Variants in DMD observed in about 807,000 individuals in gnomAD.
DMD encodes dystrophin.
In DMD, 63 loss-of-function variants were observed where a neutral mutation model predicts 330.1. The observed-to-expected ratio is 0.19, with a 90% CI of 0.16 to 0.24. DMD has a LOEUF of 0.24. DMD is among the 10% of genes least tolerant of loss of function. The pLI, the probability that DMD is intolerant of heterozygous loss-of-function variation, is 1.00. For synonymous variants in DMD, 1,223 were observed against 959.8 expected (o/e 1.27, Z -5.07); for missense variants, 3,344 against 2,684.1 (o/e 1.25, Z -5.43).
chrX:32,553,920 C>A (rs886739401), intron 16 of DMD, among the ~76,000 whole-genome samples: 3 of 111,655 alleles, frequency 2.7e-5, no homozygotes, highest in Non-Finnish European at 3.8e-5. Context: ...CGTGGCCAGT[C>A]TGCTTCTTTA....
At chrX:31,476,165 T>C (rs1297876786) in intron 59 of DMD, among the ~76,000 whole-genome samples, 2 of 106,362 alleles carry the variant, frequency 1.9e-5, no homozygotes, top group African/African-American at 6.8e-5. Flanking sequence ...TTGGTGGGAG[T>C]TGGGGGTTGT....
chrX:32,419,456 G>A, intron 29 of DMD, among the ~76,000 whole-genome samples: 1 of 112,232 alleles, frequency 8.9e-6, no homozygotes, highest in South Asian at 3.7e-4. Flanking sequence ...GAGGGGCTTT[G>A]GTACAGTGGT....
intron 13 of DMD, among the ~76,000 whole-genome samples, chrX:32,585,758 T>C (rs762703856): frequency 2.3e-4 from 24 of 105,341 alleles, no homozygotes; most frequent in African/African-American, 8.1e-4. Context: ...CATACTTGCT[T>C]ATATTTCCCC....
At chrX:32,640,943 C>G (rs1298416055) in intron 11 of DMD, among the ~76,000 whole-genome samples, 1 of 111,390 alleles carries the variant, frequency 9.0e-6, no homozygotes, top group Non-Finnish European at 1.9e-5. Flanking sequence ...CATCTCAGAC[C>G]TCAGCCATCT....
chrX:32,780,687 A>T (rs533972885), intron 7 of DMD, among the ~76,000 whole-genome samples: 44 of 111,532 alleles, frequency 3.9e-4, no homozygotes, highest in African/African-American at 1.4e-3. Flanking sequence ...TTAATCAGTT[A>T]ATTTAATCTA....
intron 74 of DMD, among the ~76,000 whole-genome samples, chrX:31,160,045 C>T (rs755308349): frequency 6.3e-4 from 71 of 112,276 alleles, no homozygotes; most frequent in Middle Eastern, 4.6e-3. Flanking sequence ...CTGGCCTTTG[C>T]ATCTAACTAC....
intron 21 of DMD, among the ~76,000 whole-genome samples, 166 bp from the exon 22 acceptor site, chrX:32,472,475 A>G (rs371111192): frequency 2.7e-4 from 30 of 112,263 alleles, no homozygotes; most frequent in African/African-American, 9.7e-4. Flanking sequence ...CATTCCTGCT[A>G]CATGTGTAAT....
At chrX:32,327,089 C>T (rs2097654539) in intron 41 of DMD, among the ~76,000 whole-genome samples, 1 of 108,277 alleles carries the variant, frequency 9.2e-6, no homozygotes, top group South Asian at 4.1e-4. Flanking sequence ...ACTATGAGTC[C>T]ATATATATAG....
At chrX:33,189,074 A>C (rs2050399277) in intron 1 of DMD, among the ~76,000 whole-genome samples, 1 of 111,499 alleles carries the variant, frequency 9.0e-6, no homozygotes, top group Non-Finnish European at 1.9e-5. Context: ...ATTCATTTGT[A>C]ATGTTTTATA....
chrX:31,217,810 C>A (rs890812854), intron 64 of DMD, among the ~76,000 whole-genome samples: 2 of 111,991 alleles, frequency 1.8e-5, no homozygotes, highest in African/African-American at 6.5e-5. Context: ...ATATATGGCA[C>A]CCTCCTAGCA....
At chrX:33,177,070 C>G (rs2049707944) in intron 1 of DMD, among the ~76,000 whole-genome samples, 1 of 112,361 alleles carries the variant, frequency 8.9e-6, no homozygotes, top group Non-Finnish European at 1.9e-5. Context: ...ACAGGGAGCT[C>G]TGGAGGGCAA....
chrX:33,048,278 T>C (rs2094408926), intron 1 of DMD, among the ~76,000 whole-genome samples: 1 of 111,908 alleles, frequency 8.9e-6, no homozygotes, highest in Non-Finnish European at 1.9e-5. Flanking sequence ...GCTGGTTAGC[T>C]GTGCTGGCAG....
At chrX:32,463,169 GACTA>G (rs1326006769) in intron 25 of DMD, among the ~76,000 whole-genome samples, 3 of 111,372 alleles carry the variant, frequency 2.7e-5, no homozygotes, top group African/African-American at 9.8e-5. Flanking sequence ...TGGAAATAAT[GACTA>G]AGAATAGGAT....
intron 48 of DMD, among the ~76,000 whole-genome samples, chrX:31,844,299 A>ATTT (rs35743535): frequency 6.2e-5 from 6 of 97,116 alleles, no homozygotes; most frequent in Admixed American, 1.2e-4. Context: ...TCCTTTCCCC[A>ATTT]TTTTTTTTTT....
rs763268273 is a variant in DMD at position 31,380,256 on chromosome X, C to CT, written c.9085-31623dup. Among the ~76,000 whole-genome samples, 655 of 110,845 alleles carry CT rather than the reference C, an allele frequency of 5.9e-3. 3 individuals carry two copies. Among genetic ancestry groups the CT allele is most frequent in the African/African-American group, 0.019 (575 of 30,455 alleles). On this transcript the variant is annotated intron_variant, in intron 60 of 78. Transcript: ENST00000357033. Reference sequence around the variant, plus strand: ...TAGTTATCCCCACCTGCCCAGTTCCCTATTAGGCCGAGACACTTTAACTAA... The same window carrying CT: ...TAGTTATCCCCACCTGCCCAGTTCCCTTATTAGGCCGAGACACTTTAACTAA...
chrX:32,453,939 T>C lies in DMD; in HGVS notation c.3603+723A>G, dbSNP rs766656671. On this transcript the variant is annotated intron_variant, in intron 26 of 78. Transcript: ENST00000357033. ...TACTAATTGAGCACCAACTCTGAGT[T>C]AGGCAATTTACTCACATGGTAGTTA... Among the ~76,000 whole-genome samples, 4 of 111,290 alleles carry C rather than the reference T, an allele frequency of 3.6e-5. No homozygotes were observed. The South Asian group carries it at 1.5e-3, about 41-fold the overall frequency.
chrX:32,336,113 A>C (rs887600088), intron 41 of DMD, among the ~76,000 whole-genome samples: 1 of 109,975 alleles, frequency 9.1e-6, no homozygotes, highest in East Asian at 2.9e-4. Flanking sequence ...TACATGTTAT[A>C]TATGTTATAT....
chrX:31,183,898 T>A (rs1174625852), intron 67 of DMD, among the ~76,000 whole-genome samples: 1 of 103,602 alleles, frequency 9.7e-6, no homozygotes, highest in Non-Finnish European at 2.0e-5. Flanking sequence ...CTGATAGTTA[T>A]CTTCATTAAA....
chrX:31,704,193 G>C (rs905031308), intron 52 of DMD, among the ~76,000 whole-genome samples: 2 of 111,264 alleles, frequency 1.8e-5, no homozygotes, highest in African/African-American at 6.5e-5. Context: ...ATATGTAAAT[G>C]AACTTTTAAA....
Sources: allele counts gnomAD v4.1 joint callset (sites outside exome capture counted in the v4.1 genomes callset), GRCh38; gene constraint gnomAD v4.1.1; transcripts MANE v1.5; gene names NCBI Gene and HGNC (gene_info 2026-07-23, HGNC 2026-07-21).